Variants in ADCY7 observed in about 807,000 individuals in gnomAD.
The protein encoded by ADCY7 is adenylate cyclase 7.
In ADCY7, 72 loss-of-function variants were observed where a neutral mutation model predicts 120.6. The observed-to-expected ratio is 0.60, with a 90% CI of 0.49 to 0.73. The LOEUF (loss-of-function observed/expected upper bound fraction) is 0.73, where lower values mean the gene tolerates loss of function less well. Ranked by LOEUF, ADCY7 falls within the 30% of genes least tolerant of loss-of-function variation. The pLI, the probability that ADCY7 is intolerant of heterozygous loss-of-function variation, is 0.00. For missense variants in ADCY7, 1,227 were observed against 1,486.0 expected, an observed-to-expected ratio of 0.83 and a Z score of 2.87; for synonymous variants, 661 against 628.0, an observed-to-expected ratio of 1.05 and a Z score of -0.78.
At chr16:50,313,063 A>G (rs764764007) in intron 22 of ADCY7, 27 bp downstream of exon 22, 1 of 1,612,926 alleles carries the variant, frequency 6.2e-7, no homozygotes, top group South Asian at 1.1e-5. Context: ...AGCCTTGCGC[A>G]GCAGCCCCCA....
intron 1 of ADCY7, among the ~76,000 whole-genome samples, chr16:50,269,265 T>G (rs777816514): frequency 6.6e-6 from 1 of 152,240 alleles, no homozygotes; most frequent in Non-Finnish European, 1.5e-5. Context: ...CATCCAGTTG[T>G]GCCCACCACA....
chr16:50,317,586 A>G lies in ADCY7; in HGVS notation c.*2081A>G, dbSNP rs991629921. 6.6e-6 allele frequency: 1 copy of G among 152,358 alleles called. No individual in the cohort carries two copies. Among genetic ancestry groups the G allele is most frequent in the African/African-American group, 2.4e-5 (1 of 41,446 alleles). The allele number at this position is 152,358 out of a possible 1,614,324, so 9.4% of individuals were successfully genotyped here. On this transcript the variant is annotated 3_prime_UTR_variant, in exon 26 of 26. Coordinates refer to ENST00000673801, the MANE Select transcript of ADCY7 (RefSeq NM_001114.5). ...ACTCACTCATGCATTTTTATTTCCA[A>G]TTAAAGCAAAGCACTGTGCTGTGCT...
intron 1 of ADCY7, among the ~76,000 whole-genome samples, chr16:50,275,054 CG>C (rs984267635): frequency 6.6e-6 from 1 of 152,196 alleles, no homozygotes; most frequent in Non-Finnish European, 1.5e-5. Context: ...AGCCCTTTGC[CG>C]GGTTGGCACT....
At position 50,311,661 on chromosome 16, in the gene ADCY7, TGGGAGTGACTTGGGCC is replaced by T; in HGVS notation, c.2355-31_2355-16del. 1 of 1,512,694 alleles carries T rather than the reference TGGGAGTGACTTGGGCC, an allele frequency of 6.6e-7. No homozygotes were observed. The highest frequency in any genetic ancestry group is 1.1e-5 in the South Asian group (1 of 88,924). The allele number at this position is 1,512,694 out of a possible 1,614,324, so 93.7% of individuals were successfully genotyped here. A position where few individuals can be genotyped will look rare whatever the true frequency, so the allele number is the denominator to read the frequency against. ...CTCAGTGGGTTGGAGTGGTGAGTGC[TGGGAGTGACTTGGGCC>T]TCCCTTCGCATTCAGTGGCACCCCT... On this transcript the variant is annotated splice_polypyrimidine_tract_variant and intron_variant, in intron 19 of 25. Coordinates refer to ENST00000673801, the MANE Select transcript of ADCY7 (RefSeq NM_001114.5).
intron 24 of ADCY7, 78 bp downstream of exon 24, chr16:50,314,484 C>A: frequency 9.5e-7 from 1 of 1,048,816 alleles, no homozygotes; most frequent in Non-Finnish European, 1.5e-6. Flanking sequence ...CACAGCTGCA[C>A]CTCGCCATCT....
intron 1 of ADCY7, among the ~76,000 whole-genome samples, chr16:50,283,562 G>A (rs779669332): frequency 3.9e-5 from 6 of 152,362 alleles, no homozygotes; most frequent in Admixed American, 6.5e-5. Context: ...ACTGAGGGTC[G>A]GGAGAAGGGA....
intron 1 of ADCY7, among the ~76,000 whole-genome samples, chr16:50,284,020 GCCCT>G: frequency 6.6e-6 from 1 of 152,194 alleles, no homozygotes; most frequent in South Asian, 2.1e-4. Flanking sequence ...TTGTGGGGAG[GCCCT>G]CCCTGTTGCC....
At chr16:50,289,287 TG>T (rs2034789889) in intron 2 of ADCY7, 1 of 429,248 alleles carries the variant, frequency 2.3e-6, no homozygotes, top group Non-Finnish European at 4.6e-6. Flanking sequence ...CCTCCTGCCT[TG>T]GCCTCCCAAA....
chr16:50,311,895 TAG>T, intron 20 of ADCY7, 109 bp downstream of exon 20: 1 of 1,428,768 alleles, frequency 7.0e-7, no homozygotes, highest in Admixed American at 1.8e-5. Context: ...CAGAAAAGAC[TAG>T]AGTCCTGCCA....
rs1229296480 is a variant in ADCY7, at chr16:50,298,912, G to A, written c.957G>A (p.Glu319=). 4 of 1,613,638 alleles carry A rather than the reference G, an allele frequency of 2.5e-6. No individual in the cohort carries two copies. In the Admixed American group the frequency reaches 6.7e-5, roughly 27 times the overall value. The change falls in exon 8 of 26, where the codon GAG becomes GAA. Residue 319 remains glutamate (E), a synonymous_variant. Transcript: ENST00000673801. ...GKFDQIAKAN[E]CMRIKILGDC... Reference sequence around the variant, plus strand: ...CTTCCCTCACCCTGCAGGCCAACGAGTGCATGCGAATCAAGATCCTCGGCG... The same window carrying A: ...CTTCCCTCACCCTGCAGGCCAACGAATGCATGCGAATCAAGATCCTCGGCG...
chr16:50,271,500 T>G (rs1231799687), intron 1 of ADCY7, among the ~76,000 whole-genome samples: 1 of 152,176 alleles, frequency 6.6e-6, no homozygotes, highest in Non-Finnish European at 1.5e-5. Flanking sequence ...TGTGTTAGGA[T>G]GGGGTGGGGA....
intron 1 of ADCY7, among the ~76,000 whole-genome samples, chr16:50,281,999 G>A (rs1164584612): frequency 6.6e-6 from 1 of 152,236 alleles, no homozygotes; most frequent in Non-Finnish European, 1.5e-5. Context: ...CTGGAGCTGC[G>A]TGGCGTCCCA....
intron 1 of ADCY7, among the ~76,000 whole-genome samples, chr16:50,259,405 G>A (rs1398108787): frequency 6.6e-6 from 1 of 152,178 alleles, no homozygotes; most frequent in East Asian, 1.9e-4. Context: ...CCTCTGGTGC[G>A]GCCCAGCTGC....
intron 22 of ADCY7, 84 bp from the exon 23 acceptor site, chr16:50,313,874 C>A: frequency 8.7e-7 from 1 of 1,155,228 alleles, no homozygotes; most frequent in South Asian, 1.3e-5. Context: ...GTGGAGGGAA[C>A]CCCACACCCT....
chr16:50,310,530 C>T (rs2036387891), intron 18 of ADCY7, 157 bp from the exon 19 acceptor site: 3 of 1,542,950 alleles, frequency 1.9e-6, no homozygotes, highest in Non-Finnish European at 2.6e-6. Flanking sequence ...CAACACTGGA[C>T]ACTCTTAGGT....
At chr16:50,290,795 C>T in intron 3 of ADCY7, 135 bp downstream of exon 3, 2 of 945,728 alleles carry the variant, frequency 2.1e-6, no homozygotes, top group Non-Finnish European at 1.5e-6. Context: ...GGTTTTGTCC[C>T]TGTGAGTTCT....
At chr16:50,271,180 C>T (rs1223872145) in intron 1 of ADCY7, among the ~76,000 whole-genome samples, 11 of 152,188 alleles carry the variant, frequency 7.2e-5, no homozygotes. Context: ...ACCAGAGCTC[C>T]GTTCCTCTTT....
At chr16:50,299,081 T>TCCTGGG in intron 8 of ADCY7, 50 bp downstream of exon 8, 1 of 1,546,020 alleles carries the variant, frequency 6.5e-7, no homozygotes, top group Non-Finnish European at 8.7e-7. Context: ...TGGCGGACCC[T>TCCTGGG]CCTGGGCATG....
intron 1 of ADCY7, among the ~76,000 whole-genome samples, chr16:50,285,267 C>T (rs1266582442): frequency 6.6e-6 from 1 of 152,184 alleles, no homozygotes; most frequent in Non-Finnish European, 1.5e-5. Context: ...GGTGCCAAGG[C>T]CTGTAGACAC....
Sources: allele counts gnomAD v4.1 joint callset (sites outside exome capture counted in the v4.1 genomes callset), GRCh38; gene constraint gnomAD v4.1.1; transcripts MANE v1.5; gene names NCBI Gene and HGNC (gene_info 2026-07-23, HGNC 2026-07-21).